Variants in CEP295 observed in about 807,000 individuals in gnomAD.
The protein encoded by CEP295 is centrosomal protein 295.
Under a neutral mutation model 291.6 loss-of-function variants are expected in CEP295, and 190 were observed. That is an observed-to-expected ratio of 0.65 (90% CI 0.58 to 0.73). The LOEUF (loss-of-function observed/expected upper bound fraction) is 0.73. Among genes scored for constraint, CEP295 ranks in the 30% least tolerant of loss-of-function variants. The pLI is 0.00. For missense variants in CEP295, 2,863 were observed against 2,949.4 expected, an observed-to-expected ratio of 0.97 and a Z score of 0.68; for synonymous variants, 993 against 1,038.8, an observed-to-expected ratio of 0.96 and a Z score of 0.85.
chr11:93,670,055 T>C (rs1950360956), intron 5 of CEP295, among the ~76,000 whole-genome samples: 1 of 152,128 alleles, frequency 6.6e-6, no homozygotes, highest in South Asian at 2.1e-4. Flanking sequence ...CCTTCCTCAA[T>C]GATGTCAAAA....
At chr11:93,707,243 C>T (rs1393072825) in intron 18 of CEP295, among the ~76,000 whole-genome samples, 1 of 151,950 alleles carries the variant, frequency 6.6e-6, no homozygotes, top group Non-Finnish European at 1.5e-5. Flanking sequence ...TCTAAATAAG[C>T]TGTTTTATGT....
chr11:93,703,020 A>T, intron 17 of CEP295, 101 bp downstream of exon 17: 1 of 956,782 alleles, frequency 1.0e-6, no homozygotes, highest in Non-Finnish European at 1.5e-6. Context: ...CTGGAATGCA[A>T]TGGTGTGATC....
rs1425687716 is a variant in CEP295 at position 93,728,795 on chromosome 11, G to A, written c.7276G>A (p.Glu2426Lys). The A allele has an allele frequency of 2.3e-5, 36 of 1,546,746 alleles. No homozygotes were observed. The highest frequency in any genetic ancestry group is 2.7e-5 in the African/African-American group (2 of 72,750). ...AAATTTAACCCTAGAAGAGAAGAGC[G>A]AGAATGAAGCAAAATGCTTCTTTCA... ...FANLTLEEKS[E>K]NEAKCFFQVS... Residue 2426 changes from glutamate to lysine, a missense_variant, in exon 25 of 30, where the codon GAG (glutamate) becomes AAG (lysine). Physicochemically the swap from Glu to Lys is moderately conservative, Grantham distance 56. Around this residue, in one of 3 missense-constraint regions of CEP295, gnomAD observed 2,295 missense variants for 2,335.7 expected, o/e 0.98. Coordinates refer to ENST00000325212, the MANE Select transcript of CEP295 (RefSeq NM_033395.2).
At chr11:93,716,132 T>G (rs1953224032) in intron 18 of CEP295, among the ~76,000 whole-genome samples, 1 of 152,114 alleles carries the variant, frequency 6.6e-6, no homozygotes, top group African/African-American at 2.4e-5. Flanking sequence ...AGCACTAAAT[T>G]TAGCCCGTAG....
Position 93,666,709 on chromosome 11 carries a change from TGAAGA to T in CEP295, c.6_10del (p.Arg3_?4). Reference sequence around the variant, plus strand: ...CTGTCATACATAAAGTACACAGAAATGAAGAGAAAAGTCGTGAATACTCACAAGCT... The same window carrying T: ...CTGTCATACATAAAGTACACAGAAATGAAAAGTCGTGAATACTCACAAGCT... On this transcript the variant is annotated frameshift_variant and start_lost, in exon 2 of 30. Coordinates refer to ENST00000325212, the MANE Select transcript of CEP295 (RefSeq NM_033395.2). LOFTEE classifies it high-confidence loss of function. 6.7e-7 allele frequency: 1 copy of T among 1,499,484 alleles called. No homozygotes were observed. The highest frequency in any genetic ancestry group is 9.1e-7 in the Non-Finnish European group (1 of 1,104,354). The allele number at this position is 1,499,484 out of a possible 1,614,324, so 92.9% of individuals were successfully genotyped here.
At chr11:93,688,984 G>A (rs186713544) in intron 10 of CEP295, among the ~76,000 whole-genome samples, 1 of 152,048 alleles carries the variant, frequency 6.6e-6, no homozygotes, top group African/African-American at 2.4e-5. Flanking sequence ...TAGTCATTCT[G>A]GTTCCCTCTT....
chr11:93,691,244 T>C (rs1390106116), intron 10 of CEP295, among the ~76,000 whole-genome samples: 2 of 152,246 alleles, frequency 1.3e-5, no homozygotes, highest in Non-Finnish European at 2.9e-5. Context: ...CCATGCAGAC[T>C]ATCTGGCTAC....
In CEP295 at chr11:93,697,287, A is replaced by G. The variant is rs1419168321; in HGVS notation, c.2375A>G (p.Gln792Arg). ...TCTTCATTTGTACCACTGGTACCTC[A>G]GCATTCTTTTAGTTCTCTGCCTGTT... ...EPSSFVPLVP[Q>R]HSFSSLPVKV... The change falls in exon 15 of 30, where the codon CAG (glutamine) becomes CGG (arginine). Residue 792 changes from glutamine to arginine, a missense_variant. By Grantham distance (43) the Gln-to-Arg change is conservative. Around this residue, in one of 3 missense-constraint regions of CEP295, gnomAD observed 2,295 missense variants for 2,335.7 expected, o/e 0.98. Transcript: ENST00000325212. 6.4e-7 allele frequency: 1 copy of G among 1,551,818 alleles called. No individual in the cohort carries two copies. The highest frequency in any genetic ancestry group is 2.0e-5 in the Admixed American group (1 of 51,016).
At position 93,702,778 on chromosome 11, in the gene CEP295, G is replaced by A. The variant is rs1341564600; in HGVS notation, c.5455G>A (p.Glu1819Lys). ...SEDTSAKQSGEHLEKDLGRRS... is the reference protein window; with the variant it reads ...SEDTSAKQSGKHLEKDLGRRS... The stretch of plus-strand genomic sequence containing the variant: ...CAACTTTGTCATTGACTTAATAGGT[G>A]AGCATCTGGAGAAAGATCTGGGGAG... Residue 1819 changes from glutamate to lysine, a missense_variant and splice_region_variant, in exon 17 of 30, where the codon GAG becomes AAG. Transcript: ENST00000325212. 6.4e-7 allele frequency: 1 copy of A among 1,551,368 alleles called. No individual in the cohort carries two copies. Among genetic ancestry groups the A allele is most frequent in the Admixed American group, 2.0e-5 (1 of 50,880 alleles).
At chr11:93,725,351 G>A (rs768920549) in intron 22 of CEP295, among the ~76,000 whole-genome samples, 4 of 152,090 alleles carry the variant, frequency 2.6e-5, no homozygotes, top group Non-Finnish European at 5.9e-5. Context: ...ACAACTTTTA[G>A]TTGTGGAACA....
At position 93,722,924 on chromosome 11, in the gene CEP295, G is replaced by A. The variant is rs564006453; in HGVS notation, c.5948-117G>A. 95 of 720,510 alleles carry A rather than the reference G, an allele frequency of 1.3e-4. No homozygotes were observed. The African/African-American group carries it at 1.6e-3, about 12-fold the overall frequency. The allele number at this position is 720,510 out of a possible 1,614,324, so 44.6% of individuals were successfully genotyped here. A position where few individuals can be genotyped will look rare whatever the true frequency, so the allele number is the denominator to read the frequency against. On this transcript the variant is annotated intron_variant, in intron 20 of 29. Coordinates refer to ENST00000325212, the MANE Select transcript of CEP295 (RefSeq NM_033395.2). ...TGGGGTTTCACCATGTTGGCGAGATGGTCTCCATCTCTTGACCTCGTGATC... is the reference window on the plus strand; with the variant it reads ...TGGGGTTTCACCATGTTGGCGAGATAGTCTCCATCTCTTGACCTCGTGATC...
rs1220328110 is a variant in CEP295, at chr11:93,722,047, C to G, written c.5944C>G (p.Pro1982Ala). The G allele has an allele frequency of 1.3e-6, 2 of 1,533,910 alleles. No individual in the cohort carries two copies. The highest frequency in any genetic ancestry group is 2.0e-5 in the Admixed American group (1 of 51,024). ...AAACACAGATTTGAGCCTTACAGAT[C>G]CAGGTAATAAGGTCAAAATGTTTAT... Reference protein sequence around the residue: ...YENTDLSLTDPESFSEHMDDS... With the variant: ...YENTDLSLTDAESFSEHMDDS... Residue 1982 changes from proline (P) to alanine (A), a missense_variant, in exon 20 of 30, where the codon CCA (proline) becomes GCA (alanine). This residue lies in a region of CEP295 where 2,295 missense variants were observed against 2,335.7 expected (regional missense o/e 0.98). Coordinates refer to ENST00000325212, the MANE Select transcript of CEP295 (RefSeq NM_033395.2).
At chr11:93,715,684 T>C (rs1249257440) in intron 18 of CEP295, among the ~76,000 whole-genome samples, 2 of 152,040 alleles carry the variant, frequency 1.3e-5, no homozygotes, top group Non-Finnish European at 2.9e-5. Flanking sequence ...CCAAGGGCTC[T>C]TTAATCAGCA....
At chr11:93,729,394 C>A in intron 25 of CEP295, 40 bp from the exon 26 acceptor site, 1 of 1,356,144 alleles carries the variant, frequency 7.4e-7, no homozygotes, top group Non-Finnish European at 1.0e-6. Flanking sequence ...CCGCTTAAAG[C>A]GTTTAAAAAG....
chr11:93,703,064 A>G, intron 17 of CEP295, 145 bp downstream of exon 17: 3 of 672,628 alleles, frequency 4.5e-6, no homozygotes, highest in South Asian at 2.2e-5. Context: ...TCTGGGTTCA[A>G]GCAAATCTCC....
rs1192879420 is a variant in CEP295, at chr11:93,698,177, T to C, written c.3265T>C (p.Leu1089=). The change falls in exon 15 of 30, where the codon TTG becomes CTG. Residue 1089 remains leucine, a synonymous_variant. Transcript: ENST00000325212. ...VELLLHRQRD[L]GDSKSGLVSS... is the part of the protein sequence containing the mutation. ...ATTACTTTTACATAGACAAAGAGAT[T>C]TGGGGGACAGTAAGTCTGGGCTGGT... The C allele has an allele frequency of 6.4e-7, 1 of 1,551,940 alleles. No homozygotes were observed. The highest frequency in any genetic ancestry group is 1.4e-5 in the African/African-American group (1 of 73,028).
At position 93,698,304 on chromosome 11, in the gene CEP295, A is replaced by G; in HGVS notation, c.3392A>G (p.Lys1131Arg). The change falls in exon 15 of 30, where the codon AAG (lysine) becomes AGG (arginine). Residue 1131 changes from lysine to arginine, a missense_variant. Around this residue, in one of 3 missense-constraint regions of CEP295, gnomAD observed 2,295 missense variants for 2,335.7 expected, o/e 0.98. Transcript: ENST00000325212. Reference protein sequence around the residue: ...RRIQELYLSEKENVGPSCHLI... With the variant: ...RRIQELYLSERENVGPSCHLI... ...ATTCAGGAGCTTTATTTATCTGAGA[A>G]GGAGAATGTAGGTCCCTCCTGTCAT... is the stretch of plus-strand genomic sequence containing the variant. 1 of 1,551,934 alleles carries G rather than the reference A, an allele frequency of 6.4e-7. No individual in the cohort carries two copies. Among genetic ancestry groups the G allele is most frequent in the Non-Finnish European group, 8.7e-7 (1 of 1,147,022 alleles).
chr11:93,726,815 T>C (rs1389718567), intron 23 of CEP295, 161 bp from the exon 24 acceptor site: 3 of 508,406 alleles, frequency 5.9e-6, no homozygotes, highest in Non-Finnish European at 1.0e-5. Context: ...GAGAAATCAC[T>C]GTGACCATCC....
intron 12 of CEP295, among the ~76,000 whole-genome samples, chr11:93,694,665 T>C (rs924921047): frequency 6.6e-6 from 1 of 152,246 alleles, no homozygotes; most frequent in African/African-American, 2.4e-5. Flanking sequence ...TGGTCCAGTT[T>C]ACAGCATGGA....
Sources: allele counts gnomAD v4.1 joint callset (sites outside exome capture counted in the v4.1 genomes callset), GRCh38; gene constraint gnomAD v4.1.1; regional missense constraint gnomAD v4.1.1; transcripts MANE v1.5; gene names NCBI Gene and HGNC (gene_info 2026-07-23, HGNC 2026-07-21).